The following HEATR5A variants were observed in gnomAD, a reference collection of about 807,000 sequenced individuals.
HEATR5A encodes HEAT repeat containing 5A.
Under a neutral mutation model 218.8 loss-of-function variants are expected in HEATR5A, and 178 were observed. The observed-to-expected ratio is 0.81, with a 90% CI of 0.72 to 0.92. The LOEUF (loss-of-function observed/expected upper bound fraction) is 0.92. Among genes scored for constraint, HEATR5A ranks in the 40% least tolerant of loss-of-function variants. HEATR5A has a pLI of 0.00. For synonymous variants in HEATR5A, 864 were observed against 871.6 expected, an observed-to-expected ratio of 0.99 and a Z score of 0.15; for missense variants, 2,420 against 2,418.9, an observed-to-expected ratio of 1.00 and a Z score of -0.01.
rs1899179091 is a variant in HEATR5A at position 31,296,046 on chromosome 14, C to T, written c.5482G>A (p.Glu1828Lys). Residue 1828 changes from glutamate to lysine, a missense_variant, in exon 34 of 36, where the codon GAA (glutamate) becomes AAA (lysine). Glu to Lys is a moderately conservative substitution (Grantham distance 56). Coordinates refer to ENST00000543095, the MANE Select transcript of HEATR5A (RefSeq NM_015473.4). ...CWDPVDETHQ[E>K]LDEVSLLTAI... Reference sequence around the variant, plus strand: ...GTAAGTAGACTGACTTCATCAAGTTCTTGGTGTGTTTCATCAACTAAAGAG... The same window carrying T: ...GTAAGTAGACTGACTTCATCAAGTTTTTGGTGTGTTTCATCAACTAAAGAG... 2.5e-6 allele frequency: 4 copies of T among 1,613,170 alleles called. No individual in the cohort carries two copies. The African/African-American group carries it at 4.0e-5, about 16-fold the overall frequency.
At chr14:31,338,411 AC>A (rs957410082) in intron 21 of HEATR5A, among the ~76,000 whole-genome samples, 3 of 152,130 alleles carry the variant, frequency 2.0e-5, no homozygotes, top group Non-Finnish European at 4.4e-5. Flanking sequence ...ATATATATAT[AC>A]ATATTTATGT....
intron 16 of HEATR5A, among the ~76,000 whole-genome samples, chr14:31,355,172 G>A (rs539623618): frequency 7.0e-6 from 1 of 143,348 alleles, no homozygotes. Flanking sequence ...CCAGGACTTT[G>A]GGAGGCTGAC....
chr14:31,305,483 G>A (rs910060090), intron 31 of HEATR5A, among the ~76,000 whole-genome samples: 2 of 152,042 alleles, frequency 1.3e-5, no homozygotes, highest in Admixed American at 6.6e-5. Flanking sequence ...GGCTGGTCTC[G>A]AACTCCTGAC....
At chr14:31,353,322 G>C (rs186545836) in intron 16 of HEATR5A, among the ~76,000 whole-genome samples, 4 of 152,236 alleles carry the variant, frequency 2.6e-5, no homozygotes, top group African/African-American at 9.6e-5. Context: ...TACTATAATA[G>C]TATTACTGAA....
chr14:31,323,092 T>C (rs1900161284), intron 24 of HEATR5A, among the ~76,000 whole-genome samples: 1 of 152,204 alleles, frequency 6.6e-6, no homozygotes, highest in Admixed American at 6.5e-5. Flanking sequence ...TTTTGAGAAC[T>C]AGTAAATGTT....
chr14:31,340,996 T>C lies in HEATR5A; in HGVS notation c.3228+2900A>G, dbSNP rs1900820875. 2.0e-5 allele frequency among the ~76,000 whole-genome samples: 3 copies of C among 152,248 alleles called. No homozygotes were observed. The South Asian group carries it at 6.2e-4, about 31-fold the overall frequency. On this transcript the variant is annotated intron_variant, in intron 21 of 35. Transcript: ENST00000543095. Reference sequence around the variant, plus strand: ...AGAGCATGCAGTTAAAGGAAAATACTTCCCAGTAGGATTTTTGCCTAATGA... The same window carrying C: ...AGAGCATGCAGTTAAAGGAAAATACCTCCCAGTAGGATTTTTGCCTAATGA...
At chr14:31,342,921 A>C (rs1900885113) in intron 21 of HEATR5A, among the ~76,000 whole-genome samples, 1 of 152,186 alleles carries the variant, frequency 6.6e-6, no homozygotes, top group Admixed American at 6.5e-5. Flanking sequence ...TCAAGCTTGA[A>C]AATGAAAGGT....
At chr14:31,303,741 ATG>A in intron 32 of HEATR5A, among the ~76,000 whole-genome samples, 1 of 152,184 alleles carries the variant, frequency 6.6e-6, no homozygotes, top group African/African-American at 2.4e-5. Flanking sequence ...CAGTTGAACC[ATG>A]AAGAAAAATT....
At chr14:31,334,877 C>T (rs111263572) in intron 22 of HEATR5A, among the ~76,000 whole-genome samples, 280 of 137,918 alleles carry the variant, frequency 2.0e-3, no homozygotes, top group African/African-American at 6.9e-3. Context: ...ACCCGGGAGG[C>T]GGAGCTTGCA....
At chr14:31,296,236 T>C (rs892609927) in intron 33 of HEATR5A, 173 bp from the exon 34 acceptor site, 2 of 501,642 alleles carry the variant, frequency 4.0e-6, no homozygotes, top group Non-Finnish European at 3.5e-6. Context: ...TAAGTAATTC[T>C]AGAGCTAAGA....
chr14:31,388,093 T>G (rs1374095388), intron 7 of HEATR5A, among the ~76,000 whole-genome samples: 2 of 152,196 alleles, frequency 1.3e-5, no homozygotes, highest in Admixed American at 1.3e-4. Flanking sequence ...CTAAGGAAAT[T>G]TAGTTCTTTA....
At chr14:31,301,808 C>CTT (rs35947008) in intron 33 of HEATR5A, among the ~76,000 whole-genome samples, 8 of 82,522 alleles carry the variant, frequency 9.7e-5, no homozygotes, top group African/African-American at 4.3e-4. Flanking sequence ...ACACAGCTTT[C>CTT]TTTTTTTTTT....
At chr14:31,359,929 A>G (rs370169634) in intron 14 of HEATR5A, among the ~76,000 whole-genome samples, 1 of 151,864 alleles carries the variant, frequency 6.6e-6, no homozygotes, top group East Asian at 1.9e-4. Flanking sequence ...ACATTTCTCC[A>G]CATTATTTTT....
chr14:31,327,771 T>C (rs907795792), intron 22 of HEATR5A, among the ~76,000 whole-genome samples: 1 of 152,190 alleles, frequency 6.6e-6, no homozygotes. Flanking sequence ...TATATCACTA[T>C]ACAATATTCT....
chr14:31,349,846 G>A lies in HEATR5A; in HGVS notation c.2651C>T (p.Ala884Val), dbSNP rs765474813. ...AAAAGCTCCATCATCTACCACTTGG[G>A]CTAATCTAGCCCATGACTCTGCAGC... ...CAAAESWARL[A>V]QVVDDGAFTA... The change falls in exon 18 of 36, where the codon GCC (alanine) becomes GTC (valine). Residue 884 changes from alanine (A) to valine (V), a missense_variant. Physicochemically the swap from Ala to Val is moderately conservative, Grantham distance 64. Coordinates refer to ENST00000543095, the MANE Select transcript of HEATR5A (RefSeq NM_015473.4). The A allele has an allele frequency of 6.2e-7, 1 of 1,613,086 alleles. No individual in the cohort carries two copies. Among genetic ancestry groups the A allele is most frequent in the Non-Finnish European group, 8.5e-7 (1 of 1,179,256 alleles).
At position 31,306,828 on chromosome 14, in the gene HEATR5A, CTCT is replaced by C; in HGVS notation, c.4867_4869del (p.Arg1623del). 2 of 1,613,590 alleles carry C rather than the reference CTCT, an allele frequency of 1.2e-6. No individual in the cohort carries two copies. Among genetic ancestry groups the C allele is most frequent in the Admixed American group, 1.7e-5 (1 of 59,980 alleles). ...GAAGCCAACTGAATGGAAGGTGATT[CTCT>C]GGTTAAAATTACTCGATGTAGAACA... On this transcript the variant is annotated inframe_deletion, in exon 31 of 36. Coordinates refer to ENST00000543095, the MANE Select transcript of HEATR5A (RefSeq NM_015473.4).
chr14:31,333,784 C>A (rs1900556065), intron 22 of HEATR5A, among the ~76,000 whole-genome samples: 1 of 151,796 alleles, frequency 6.6e-6, no homozygotes, highest in South Asian at 2.1e-4. Context: ...GTAATCCCAG[C>A]ACTTTGGGAG....
chr14:31,314,602 T>A (rs1011031621), intron 27 of HEATR5A, among the ~76,000 whole-genome samples: 1 of 152,038 alleles, frequency 6.6e-6, no homozygotes, highest in Admixed American at 6.6e-5. Flanking sequence ...GGTCTCAGTA[T>A]GTTGCCCAGG....
Position 31,308,967 on chromosome 14 carries a change from C to A in HEATR5A, c.4657G>T (p.Asp1553Tyr). Residue 1553 changes from aspartate to tyrosine, a missense_variant, in exon 29 of 36, where the codon GAT (aspartate) becomes TAT (tyrosine). Coordinates refer to ENST00000543095, the MANE Select transcript of HEATR5A (RefSeq NM_015473.4). ...SSGATIKSPE[D>Y]VYTDRFHLIL... Reference sequence around the variant, plus strand: ...AGATGGAATCTATCAGTGTAGACATCCTCAGGGGACTTTATGGTAGCCCCA... The same window carrying A: ...AGATGGAATCTATCAGTGTAGACATACTCAGGGGACTTTATGGTAGCCCCA... The A allele has an allele frequency of 6.2e-7, 1 of 1,613,676 alleles. No homozygotes were observed. The highest frequency in any genetic ancestry group is 8.5e-7 in the Non-Finnish European group (1 of 1,179,788).
Sources: allele counts gnomAD v4.1 joint callset (sites outside exome capture counted in the v4.1 genomes callset), GRCh38; gene constraint gnomAD v4.1.1; transcripts MANE v1.5; gene names NCBI Gene and HGNC (gene_info 2026-07-23, HGNC 2026-07-21).